ZNF607: variants seen among roughly 807,000 people sequenced by gnomAD.
ZNF607 encodes the protein zinc finger protein 607.
Under a neutral mutation model 12.8 loss-of-function variants are expected in ZNF607, and 5 were observed. That is an observed-to-expected ratio of 0.39 (90% CI 0.20 to 0.82). ZNF607 has a LOEUF of 0.82. Ranked by LOEUF, ZNF607 falls within the 40% of genes least tolerant of loss-of-function variation. The pLI, the probability that ZNF607 is intolerant of heterozygous loss-of-function variation, is 0.39. For missense variants in ZNF607, 851 were observed against 859.2 expected (o/e 0.99, Z 0.12); for synonymous variants, 287 against 276.2 (o/e 1.04, Z -0.39).
intron 3 of ZNF607, among the ~76,000 whole-genome samples, chr19:37,709,383 C>T (rs1383821345): frequency 6.6e-6 from 1 of 152,112 alleles, no homozygotes; most frequent in Non-Finnish European, 1.5e-5. Flanking sequence ...AACCTGAACG[C>T]CCTGACAATG....
At chr19:37,703,272 CAA>C (rs200072041) in intron 4 of ZNF607, among the ~76,000 whole-genome samples, 1 of 103,472 alleles carries the variant, frequency 9.7e-6, no homozygotes. Flanking sequence ...AAATAAATAG[CAA>C]AAAAAAAAAA....
chr19:37,716,905 T>A (rs1345381326), intron 1 of ZNF607, among the ~76,000 whole-genome samples: 2 of 152,192 alleles, frequency 1.3e-5, no homozygotes, highest in Non-Finnish European at 2.9e-5. Flanking sequence ...GACTAAAACA[T>A]GTAACTCTTT....
intron 1 of ZNF607, among the ~76,000 whole-genome samples, chr19:37,712,723 T>C (rs1343838007): frequency 6.6e-6 from 1 of 152,264 alleles, no homozygotes; most frequent in Non-Finnish European, 1.5e-5. Flanking sequence ...TCACGATTAT[T>C]GTAAGCACGG....
rs74258621 is a variant in ZNF607, at chr19:37,713,809, A to C, written c.-74-2117T>G. On this transcript the variant is annotated intron_variant, in intron 1 of 4. Transcript: ENST00000355202. ...TTTTTAAAAAGGAAATAACGATAGAAGTACACAACCAATACGTACAATACA... is the reference window on the plus strand; with the variant it reads ...TTTTTAAAAAGGAAATAACGATAGACGTACACAACCAATACGTACAATACA... 4.4e-4 allele frequency among the ~76,000 whole-genome samples: 67 copies of C among 152,336 alleles called. No individual in the cohort carries two copies. In the East Asian group the frequency reaches 0.011, roughly 24 times the overall value.
chr19:37,714,146 C>A (rs1169046443), intron 1 of ZNF607, among the ~76,000 whole-genome samples: 2 of 151,970 alleles, frequency 1.3e-5, no homozygotes, highest in Non-Finnish European at 2.9e-5. Flanking sequence ...CAGTGAAACC[C>A]CGTCTCTACT....
At chr19:37,699,951 T>C in intron 4 of ZNF607, 56 bp from the exon 5 acceptor site, 1 of 1,419,046 alleles carries the variant, frequency 7.0e-7, no homozygotes, top group Non-Finnish European at 9.4e-7. Context: ...AATGTTATTG[T>C]AGAATTAAGA....
chr19:37,715,987 T>G (rs1346723964), intron 1 of ZNF607, among the ~76,000 whole-genome samples: 3 of 152,214 alleles, frequency 2.0e-5, no homozygotes, highest in Non-Finnish European at 4.4e-5. Context: ...TAAATCGCAT[T>G]TTTAATACCT....
In ZNF607 at chr19:37,697,273, C is replaced by G; in HGVS notation, c.*767G>C. 1.2e-6 allele frequency: 1 copy of G among 816,270 alleles called. No homozygotes were observed. The allele number at this position is 816,270 out of a possible 1,614,324, so 50.6% of individuals were successfully genotyped here. The stretch of plus-strand genomic sequence containing the variant: ...TCCCCTACCACAATGTTCTGTACTC[C>G]ACGGAATTGGTCAAAGATGGCAGCT... On this transcript the variant is annotated 3_prime_UTR_variant, in exon 5 of 5. Coordinates refer to ENST00000355202, the MANE Select transcript of ZNF607 (RefSeq NM_032689.5).
rs531979683 is a variant in ZNF607 at position 37,716,169 on chromosome 19, G to A, written c.-75+3100C>T. ...ATTCATGAAAGGGGTAGCCTCCATT[G>A]TACAAAATAGCGTAAGAGCTCCTAC... On this transcript the variant is annotated intron_variant, in intron 1 of 4. Transcript: ENST00000355202. Among the ~76,000 whole-genome samples the A allele has an allele frequency of 6.6e-5, 10 of 152,220 alleles. No homozygotes were observed. In the South Asian group the frequency reaches 1.9e-3, roughly 28 times the overall value.
intron 4 of ZNF607, among the ~76,000 whole-genome samples, chr19:37,700,960 A>C (rs560382252): frequency 1.3e-5 from 2 of 152,324 alleles, no homozygotes; most frequent in East Asian, 3.9e-4. Context: ...AAAAACAGTG[A>C]ATGATTTTGT....
In ZNF607 at chr19:37,698,382, A is replaced by C; in HGVS notation, c.1749T>G (p.His583Gln). Residue 583 changes from histidine to glutamine, a missense_variant, in exon 5 of 5, where the codon CAT (histidine) becomes CAG (glutamine). His to Gln is a conservative substitution (Grantham distance 24). Coordinates refer to ENST00000355202, the MANE Select transcript of ZNF607 (RefSeq NM_032689.5). ...TACATTCATAGGACTTTTCACCAGC[A>C]TGAGTTCGGTCATGATATATGAGGC... is the stretch of plus-strand genomic sequence containing the variant. ...ATSLIYHDRT[H>Q]AGEKSYECKE... The C allele has an allele frequency of 1.9e-6, 3 of 1,614,138 alleles. No individual in the cohort carries two copies. Among genetic ancestry groups the C allele is most frequent in the Non-Finnish European group, 2.5e-6 (3 of 1,179,982 alleles).
At chr19:37,702,539 C>G (rs896574991) in intron 4 of ZNF607, among the ~76,000 whole-genome samples, 2 of 152,118 alleles carry the variant, frequency 1.3e-5, no homozygotes, top group African/African-American at 2.4e-5. Flanking sequence ...TGCCATCAGA[C>G]TTACTATACA....
At chr19:37,715,308 T>TA (rs934075858) in intron 1 of ZNF607, among the ~76,000 whole-genome samples, 19 of 145,900 alleles carry the variant, frequency 1.3e-4, no homozygotes, top group South Asian at 4.5e-4. Flanking sequence ...AAGTCTTCTT[T>TA]AAAAAAAAAA....
intron 4 of ZNF607, among the ~76,000 whole-genome samples, chr19:37,705,098 G>GA (rs1225010884): frequency 2.0e-5 from 3 of 151,244 alleles, no homozygotes; most frequent in Admixed American, 6.6e-5. Context: ...AATCAATAGA[G>GA]AAAAAAATCA....
At chr19:37,703,109 T>A (rs1035038967) in intron 4 of ZNF607, among the ~76,000 whole-genome samples, 1 of 151,780 alleles carries the variant, frequency 6.6e-6, no homozygotes, top group South Asian at 2.1e-4. Context: ...TGCATCACCA[T>A]GCCTGGCTAA....
chr19:37,705,414 G>A lies in ZNF607; in HGVS notation c.235+2500C>T, dbSNP rs145529712. Among the ~76,000 whole-genome samples, 1,017 of 152,230 alleles carry A rather than the reference G, an allele frequency of 6.7e-3. 7 individuals carry two copies. The highest frequency in any genetic ancestry group is 0.01 in the Non-Finnish European group (698 of 68,002). The stretch of plus-strand genomic sequence containing the variant: ...CTTCAGAAAACAGTTTGCCAGGGCC[G>A]GGCATGGTGGCTCACGCCCCAGCAC... On this transcript the variant is annotated intron_variant, in intron 4 of 4. Coordinates refer to ENST00000355202, the MANE Select transcript of ZNF607 (RefSeq NM_032689.5).
rs1235468101 is a variant in ZNF607 at position 37,697,418 on chromosome 19, A to C, written c.*622T>G. ...TGGCAGCCATGTTTTCTTCTGCGGGACCCTCTCACACCTGCTTCCACTCTG... is the reference window on the plus strand; with the variant it reads ...TGGCAGCCATGTTTTCTTCTGCGGGCCCCTCTCACACCTGCTTCCACTCTG... On this transcript the variant is annotated 3_prime_UTR_variant, in exon 5 of 5. Transcript: ENST00000355202. 2 of 1,077,254 alleles carry C rather than the reference A, an allele frequency of 1.9e-6. No individual in the cohort carries two copies. The highest frequency in any genetic ancestry group is 3.1e-5 in the African/African-American group (2 of 65,052). The allele number at this position is 1,077,254 out of a possible 1,614,324, so 66.7% of individuals were successfully genotyped here.
chr19:37,701,557 C>CGTCA (rs769545126), intron 4 of ZNF607, among the ~76,000 whole-genome samples: 4 of 152,200 alleles, frequency 2.6e-5, no homozygotes, highest in Non-Finnish European at 5.9e-5. Flanking sequence ...GGGACACGTG[C>CGTCA]GTCAGGGATA....
Position 37,699,401 on chromosome 19 carries a change from G to C in ZNF607, c.730C>G (p.Gln244Glu). The change falls in exon 5 of 5, where the codon CAG (glutamine) becomes GAG (glutamate). Residue 244 changes from glutamine to glutamate, a missense_variant. By Grantham distance (29) the Gln-to-Glu change is conservative. Coordinates refer to ENST00000355202, the MANE Select transcript of ZNF607 (RefSeq NM_032689.5). Reference protein sequence around the residue: ...FSVYGRLSRHQSIHTGEKPFE... With the variant: ...FSVYGRLSRHESIHTGEKPFE... The stretch of plus-strand genomic sequence containing the variant: ...GGCTTCTCACCAGTGTGAATACTCT[G>C]ATGTCGACTAAGTCGTCCATACACA... 2 of 1,614,040 alleles carry C rather than the reference G, an allele frequency of 1.2e-6. No homozygotes were observed. The highest frequency in any genetic ancestry group is 1.7e-6 in the Non-Finnish European group (2 of 1,180,006).
Sources: gnomAD v4.1 joint callset for allele counts (sites outside exome capture counted in the v4.1 genomes callset) on GRCh38, gnomAD v4.1.1 for gene constraint, MANE v1.5 for transcripts, NCBI Gene and HGNC (gene_info 2026-07-23, HGNC 2026-07-21) for gene names.